Variants in MAST4 observed in about 807,000 individuals in gnomAD.
MAST4 encodes microtubule associated serine/threonine kinase family member 4.
Under a neutral mutation model 162.7 loss-of-function variants are expected in MAST4, and 89 were observed. The observed-to-expected ratio is 0.55, with a 90% CI of 0.46 to 0.65. The LOEUF (loss-of-function observed/expected upper bound fraction) is 0.65. MAST4 is among the 30% of genes least tolerant of loss of function. MAST4 has a pLI of 0.00. For missense variants in MAST4, 3,153 were observed against 3,374.0 expected (o/e 0.93, Z 1.62); for synonymous variants, 1,479 against 1,361.1 (o/e 1.09, Z -1.91).
At chr5:66,648,083 T>TGTGTGTGTGTGTGA (rs1229070126) in intron 1 of MAST4, among the ~76,000 whole-genome samples, 1 of 87,068 alleles carries the variant, frequency 1.1e-5, no homozygotes, top group East Asian at 3.4e-4. Flanking sequence ...TGTGTGTGTG[T>TGTGTGTGTGTGTGA]GAGAGAGAGA....
intron 4 of MAST4, among the ~76,000 whole-genome samples, chr5:66,958,482 G>A (rs1432831753): frequency 6.6e-6 from 1 of 152,120 alleles, no homozygotes; most frequent in Non-Finnish European, 1.5e-5. Flanking sequence ...AAAGTATACA[G>A]CACTGCGATC....
intron 2 of MAST4, 63 bp from the exon 3 acceptor site, chr5:66,788,607 C>CCCACAAAAA: frequency 7.3e-7 from 1 of 1,373,728 alleles, no homozygotes; most frequent in Non-Finnish European, 1.0e-6. Flanking sequence ...CCCCCACCCC[C>CCCACAAAAA]ATTGCAATAA....
At chr5:66,632,893 TAAC>T (rs373805997) in intron 1 of MAST4, among the ~76,000 whole-genome samples, 202 of 152,268 alleles carry the variant, frequency 1.3e-3, no homozygotes, top group Non-Finnish European at 2.3e-3. Flanking sequence ...AAATCTAAAA[TAAC>T]AGGTAAAATA....
intron 8 of MAST4, 105 bp from the exon 9 acceptor site, chr5:67,102,431 A>G (rs1581566631): frequency 2.0e-6 from 2 of 1,001,222 alleles, no homozygotes; most frequent in Non-Finnish European, 3.2e-6. Flanking sequence ...CTTTTCTTAC[A>G]AAGGTTGCAT....
At chr5:66,610,125 G>C (rs1415591036) in intron 1 of MAST4, among the ~76,000 whole-genome samples, 3 of 152,092 alleles carry the variant, frequency 2.0e-5, no homozygotes. Flanking sequence ...TTAAAGGAAC[G>C]ATCTGTTCCA....
At chr5:66,755,600 G>A (rs751254050) in intron 1 of MAST4, among the ~76,000 whole-genome samples, 2 of 152,118 alleles carry the variant, frequency 1.3e-5, no homozygotes, top group Non-Finnish European at 2.9e-5. Flanking sequence ...AAATTAGATC[G>A]AGGCTTGTAA....
At chr5:67,100,000 G>A (rs138867483) in intron 7 of MAST4, among the ~76,000 whole-genome samples, 24 of 152,106 alleles carry the variant, frequency 1.6e-4, no homozygotes, top group Admixed American at 1.6e-3. Flanking sequence ...CCTTATTGAC[G>A]ATCTCATATC....
At chr5:66,808,269 C>T (rs1160972635) in intron 3 of MAST4, among the ~76,000 whole-genome samples, 1 of 152,212 alleles carries the variant, frequency 6.6e-6, no homozygotes, top group Non-Finnish European at 1.5e-5. Flanking sequence ...GATAGTGCTG[C>T]TGTCTCATGA....
At chr5:66,902,413 T>G (rs2149984888) in intron 4 of MAST4, among the ~76,000 whole-genome samples, 1 of 152,316 alleles carries the variant, frequency 6.6e-6, no homozygotes, top group Non-Finnish European at 1.5e-5. Flanking sequence ...GAATATTGCT[T>G]TAACTAAGCT....
intron 5 of MAST4, among the ~76,000 whole-genome samples, chr5:67,082,137 T>C (rs924242561): frequency 3.3e-5 from 5 of 150,020 alleles, no homozygotes; most frequent in Non-Finnish European, 5.9e-5. Flanking sequence ...GCAAAACAAC[T>C]ACCTGTAATC....
rs371949549 is a variant in MAST4 at position 67,165,637 on chromosome 5, G to A, written c.6458G>A (p.Ser2153Asn). The change falls in exon 29 of 29, where the codon AGT becomes AAT. Residue 2153 changes from serine to asparagine, a missense_variant. By Grantham distance (46) the Ser-to-Asn change is conservative (BLOSUM62 1). Transcript: ENST00000403625. Reference sequence around the variant, plus strand: ...AGCCCGGCTGCCAGGCAGCATTGCAGTTCCCCAAGCCACGCTTCTGGCAGA... The same window carrying A: ...AGCCCGGCTGCCAGGCAGCATTGCAATTCCCCAAGCCACGCTTCTGGCAGA... The part of the protein sequence containing the change: ...LSSPAARQHC[S>N]SPSHASGREP... 9 of 1,610,932 alleles carry A rather than the reference G, an allele frequency of 5.6e-6. No individual in the cohort carries two copies. The African/African-American group carries it at 1.2e-4, about 22-fold the overall frequency.
chr5:67,031,179 A>G (rs40602), intron 4 of MAST4, among the ~76,000 whole-genome samples: 59,508 of 151,956 alleles, frequency 0.39, 12,036 homozygotes, highest in African/African-American at 0.44. Flanking sequence ...GGTGGAGATT[A>G]TCAGTCTTTA....
chr5:66,953,768 A>T (rs926957309), intron 4 of MAST4, among the ~76,000 whole-genome samples: 1 of 152,158 alleles, frequency 6.6e-6, no homozygotes, highest in Non-Finnish European at 1.5e-5. Flanking sequence ...CTAGAGCAAG[A>T]TTTCTAGAAT....
chr5:66,715,750 A>G (rs1341398297), intron 1 of MAST4, among the ~76,000 whole-genome samples: 2 of 140,790 alleles, frequency 1.4e-5, no homozygotes, highest in African/African-American at 5.4e-5. Context: ...AAAAAAAAAA[A>G]TGGAGTGGAA....
chr5:66,680,616 G>A (rs1748265855), intron 1 of MAST4, among the ~76,000 whole-genome samples: 1 of 152,144 alleles, frequency 6.6e-6, no homozygotes, highest in Admixed American at 6.5e-5. Flanking sequence ...AACAAGCTGT[G>A]ATTTCACAGA....
intron 12 of MAST4, chr5:67,114,512 C>T (rs539515340): frequency 7.2e-5 from 21 of 292,906 alleles, no homozygotes; most frequent in African/African-American, 4.7e-4. Context: ...TTTCAGTCTT[C>T]ACTGAGTAGT....
intron 4 of MAST4, among the ~76,000 whole-genome samples, chr5:66,917,818 G>T (rs1004466403): frequency 1.3e-5 from 2 of 151,964 alleles, no homozygotes; most frequent in African/African-American, 4.8e-5. Context: ...ATAATTTCTG[G>T]TAAGTCCTCC....
In MAST4 at chr5:67,165,647, C is replaced by T. The variant is rs376800843; in HGVS notation, c.6468C>T (p.Ser2156=). 856 of 1,608,472 alleles carry T rather than the reference C, an allele frequency of 5.3e-4. No individual in the cohort carries two copies. The highest frequency in any genetic ancestry group is 6.8e-4 in the Non-Finnish European group (806 of 1,177,638). The change falls in exon 29 of 29, where the codon AGC becomes AGT. Residue 2156 remains serine, a synonymous_variant. Coordinates refer to ENST00000403625, the MANE Select transcript of MAST4 (RefSeq NM_001164664.2). The part of the protein sequence containing the change: ...PAARQHCSSP[S]HASGREPGAK... Reference sequence around the variant, plus strand: ...CCAGGCAGCATTGCAGTTCCCCAAGCCACGCTTCTGGCAGAGAGCCGGGGG... The same window carrying T: ...CCAGGCAGCATTGCAGTTCCCCAAGTCACGCTTCTGGCAGAGAGCCGGGGG...
At chr5:66,631,329 G>A (rs138291054) in intron 1 of MAST4, among the ~76,000 whole-genome samples, 1 of 152,268 alleles carries the variant, frequency 6.6e-6, no homozygotes, top group East Asian at 1.9e-4. Context: ...GGGGTAAGGA[G>A]TTGCTATACA....
Sources: allele counts gnomAD v4.1 joint callset (sites outside exome capture counted in the v4.1 genomes callset), GRCh38; gene constraint gnomAD v4.1.1; transcripts MANE v1.5; gene names NCBI Gene and HGNC (gene_info 2026-07-23, HGNC 2026-07-21).